VPS37A: variants seen among roughly 807,000 people sequenced by gnomAD.
The protein encoded by VPS37A is VPS37A subunit of ESCRT-I, also known as vacuolar protein sorting-associated protein 37A.
A neutral mutation model predicts 49.8 loss-of-function variants in VPS37A; 30 were observed. The ratio of observed to expected loss-of-function variants is 0.60; its 90% CI spans 0.45 to 0.82. The LOEUF is 0.82. Among genes scored for constraint, VPS37A ranks in the 40% least tolerant of loss-of-function variants. The probability of loss-of-function intolerance (pLI) is 0.00; values close to 1 mark genes in which losing one functional copy is unlikely to be tolerated. For synonymous variants in VPS37A, 195 were observed against 160.6 expected, an observed-to-expected ratio of 1.21 and a Z score of -1.62; for missense variants, 593 against 464.4, an observed-to-expected ratio of 1.28 and a Z score of -2.55.
chr8:17,313,269 T>G, the VPS37A span: 1 of 1,563,638 alleles, frequency 6.4e-7, no homozygotes, highest in Non-Finnish European at 8.8e-7. Flanking sequence ...GTCCCTTAAT[T>G]TATTTTCTCT....
In VPS37A at chr8:17,286,437, A is replaced by G. The variant is rs751338599; in HGVS notation, c.*10A>G. ...TCATGCTCCACTATAGGTAAATTGT[A>G]TTTCAAGTTTGAGTCTCAAGGTGAT... On this transcript the variant is annotated intron_variant, in intron 11 of 11. Coordinates refer to ENST00000324849, the MANE Select transcript of VPS37A (RefSeq NM_152415.3). 6 of 1,611,202 alleles carry G rather than the reference A, an allele frequency of 3.7e-6. No individual in the cohort carries two copies. The highest frequency in any genetic ancestry group is 5.1e-6 in the Non-Finnish European group (6 of 1,178,600).
At chr8:17,317,416 C>T in the VPS37A span, among the ~76,000 whole-genome samples, 9 of 152,200 alleles carry the variant, frequency 5.9e-5, no homozygotes, top group Non-Finnish European at 8.8e-5. Context: ...CCTAAGAGGA[C>T]AGCTGGGGCA....
chr8:17,324,219 C>G, the VPS37A span, among the ~76,000 whole-genome samples: 40 of 152,258 alleles, frequency 2.6e-4, 1 homozygote, highest in South Asian at 6.2e-4. Context: ...ACTTGTCTAT[C>G]CAATGCCTGG....
the VPS37A span, among the ~76,000 whole-genome samples, chr8:17,321,088 C>G: frequency 6.6e-6 from 1 of 152,078 alleles, no homozygotes; most frequent in Non-Finnish European, 1.5e-5. Context: ...GTTCAGGGGG[C>G]CTGAGGAATA....
At chr8:17,273,359 C>T (rs540186181) in intron 4 of VPS37A, among the ~76,000 whole-genome samples, 1 of 152,046 alleles carries the variant, frequency 6.6e-6, no homozygotes, top group African/African-American at 2.4e-5. Flanking sequence ...CAAAATTGCC[C>T]TCCAGAGTAG....
chr8:17,316,645 T>C, the VPS37A span, among the ~76,000 whole-genome samples: 1 of 151,844 alleles, frequency 6.6e-6, no homozygotes, highest in Non-Finnish European at 1.5e-5. Context: ...AGCACAAATA[T>C]TTGAAAAAAA....
chr8:17,265,903 G>A lies in VPS37A; in HGVS notation c.126-4G>A, dbSNP rs1813405278. On this transcript the variant is annotated splice_polypyrimidine_tract_variant and splice_region_variant and intron_variant, in intron 1 of 11. Coordinates refer to ENST00000324849, the MANE Select transcript of VPS37A (RefSeq NM_152415.3). ...GGTAAATTTTTTAAAATTTTCTCCT[G>A]CAGTATAGCCGAAATACAGAAAGAT... 4.3e-6 allele frequency: 7 copies of A among 1,613,264 alleles called. No homozygotes were observed. The highest frequency in any genetic ancestry group is 5.9e-6 in the Non-Finnish European group (7 of 1,179,592).
downstream of VPS37A, chr8:17,300,379 T>G: frequency 5.2e-6 from 4 of 768,728 alleles, no homozygotes; most frequent in East Asian, 1.1e-4. Context: ...CTTCACGACC[T>G]TGGACAAAAT....
chr8:17,330,579 T>C, the VPS37A span, among the ~76,000 whole-genome samples: 3 of 152,218 alleles, frequency 2.0e-5, no homozygotes, highest in Non-Finnish European at 4.4e-5. Context: ...ACATAATCCA[T>C]CTCTTTAATT....
chr8:17,294,454 G>A (rs1269324575), intron 11 of VPS37A, among the ~76,000 whole-genome samples: 1 of 152,182 alleles, frequency 6.6e-6, no homozygotes, highest in African/African-American at 2.4e-5. Flanking sequence ...CTTTCCAGGA[G>A]AGTGAAGGGT....
At chr8:17,314,378 T>G in the VPS37A span, among the ~76,000 whole-genome samples, 2 of 152,038 alleles carry the variant, frequency 1.3e-5, no homozygotes, top group Admixed American at 1.3e-4. Context: ...AGCTGTGTAG[T>G]CTTGCACATG....
At chr8:17,282,916 A>G (rs1427950158) in intron 9 of VPS37A, among the ~76,000 whole-genome samples, 2 of 152,194 alleles carry the variant, frequency 1.3e-5, no homozygotes, top group Non-Finnish European at 2.9e-5. Flanking sequence ...TCTACTGTAC[A>G]CCTAATATCT....
the VPS37A span, among the ~76,000 whole-genome samples, chr8:17,331,439 C>T: frequency 6.6e-6 from 1 of 152,234 alleles, no homozygotes; most frequent in African/African-American, 2.4e-5. Context: ...TACTGAACTA[C>T]ATAGCTTCAG....
chr8:17,297,875 A>G lies in VPS37A; in HGVS notation c.*2889A>G, dbSNP rs1249461881. On this transcript the variant is annotated 3_prime_UTR_variant, in exon 12 of 12. Transcript: ENST00000324849. ...TAATAAGCAGACGAACATGTTACAT[A>G]AATTATAATGTCTGTCTTGTAAAAA... 6.6e-6 allele frequency: 1 copy of G among 152,078 alleles called. No individual in the cohort carries two copies. Among genetic ancestry groups the G allele is most frequent in the East Asian group, 1.9e-4 (1 of 5,200 alleles). 9.4% of individuals were successfully genotyped at this position (152,078 alleles called of 1,614,324 possible).
In VPS37A at chr8:17,268,358, C is replaced by G. The variant is rs1813664328; in HGVS notation, c.301C>G (p.Pro101Ala). The G allele has an allele frequency of 6.2e-7, 1 of 1,606,596 alleles. No individual in the cohort carries two copies. The highest frequency in any genetic ancestry group is 2.2e-5 in the East Asian group (1 of 44,720). Residue 101 changes from proline (P) to alanine (A), a missense_variant, in exon 3 of 12, where the codon CCA (proline) becomes GCA (alanine). By Grantham distance (27) the Pro-to-Ala change is conservative (BLOSUM62 -1). Coordinates refer to ENST00000324849, the MANE Select transcript of VPS37A (RefSeq NM_152415.3). ...TAAACAAGGAGTGTATGTTACCTCT[C>G]CATTAGTAAACAATGTATGTATATG... ...MDKQGVYVTS[P>A]LVNNFTMHSD...
chr8:17,253,786 A>G (rs1408863476), intron 1 of VPS37A, among the ~76,000 whole-genome samples: 1 of 152,232 alleles, frequency 6.6e-6, no homozygotes, highest in South Asian at 2.1e-4. Flanking sequence ...TAAGTGCTCC[A>G]TGTTAACACA....
the VPS37A span, among the ~76,000 whole-genome samples, chr8:17,329,991 G>A: frequency 1.3e-5 from 2 of 152,172 alleles, no homozygotes; most frequent in African/African-American, 4.8e-5. Flanking sequence ...TGTCACAGCT[G>A]GAAGACCCAT....
chr8:17,325,963 G>A, the VPS37A span, among the ~76,000 whole-genome samples: 1 of 152,260 alleles, frequency 6.6e-6, no homozygotes, highest in East Asian at 1.9e-4. Flanking sequence ...ACCTTACACT[G>A]GAAAGCACTT....
chr8:17,300,131 C>G (rs1480085933), downstream of VPS37A: 7 of 1,613,972 alleles, frequency 4.3e-6, no homozygotes, highest in African/African-American at 6.7e-5. Flanking sequence ...ATGCTGTTGT[C>G]TGAGGTAGAA....
Sources: allele counts gnomAD v4.1 joint callset (sites outside exome capture counted in the v4.1 genomes callset), GRCh38; gene constraint gnomAD v4.1.1; transcripts MANE v1.5; gene names NCBI Gene and HGNC (gene_info 2026-07-23, HGNC 2026-07-21).